LRRTM4: variants seen among roughly 807,000 people sequenced by gnomAD.
The protein encoded by LRRTM4 is leucine rich repeat transmembrane neuronal 4, also known as leucine-rich repeat transmembrane neuronal protein 4.
Under a neutral mutation model 47.6 loss-of-function variants are expected in LRRTM4, and 25 were observed. The ratio of observed to expected loss-of-function variants is 0.53; its 90% CI spans 0.38 to 0.73. LRRTM4 has a LOEUF of 0.73. Among genes scored for constraint, LRRTM4 ranks in the 30% least tolerant of loss-of-function variants. LRRTM4 has a pLI of 0.00. For missense variants in LRRTM4, 638 were observed against 713.4 expected (o/e 0.89, Z 1.20); for synonymous variants, 311 against 269.5 (o/e 1.15, Z -1.51).
intron 3 of LRRTM4, among the ~76,000 whole-genome samples, chr2:77,391,645 T>C (rs764894955): frequency 1.3e-5 from 2 of 151,986 alleles, no homozygotes; most frequent in Non-Finnish European, 2.9e-5. Context: ...ATAGCCAAGA[T>C]ATGGAATCAA....
At chr2:76,925,497 T>C (rs1045766946) in intron 3 of LRRTM4, among the ~76,000 whole-genome samples, 2 of 152,138 alleles carry the variant, frequency 1.3e-5, no homozygotes, top group African/African-American at 4.8e-5. Context: ...AAATGAGTGT[T>C]GATGTAGCCC....
intron 3 of LRRTM4, among the ~76,000 whole-genome samples, chr2:77,328,750 G>A (rs1440964481): frequency 6.6e-6 from 1 of 152,178 alleles, no homozygotes; most frequent in African/African-American, 2.4e-5. Flanking sequence ...CTCAGCAGGT[G>A]ATTTATTCCT....
chr2:76,776,969 C>A (rs1228775003), intron 3 of LRRTM4, among the ~76,000 whole-genome samples: 1 of 117,082 alleles, frequency 8.5e-6, no homozygotes, highest in African/African-American at 3.3e-5. Context: ...TTTCAGCTTT[C>A]TACATATGGC....
intron 3 of LRRTM4, among the ~76,000 whole-genome samples, chr2:76,957,652 G>C (rs1675717188): frequency 6.6e-6 from 1 of 151,472 alleles, no homozygotes; most frequent in South Asian, 2.1e-4. Context: ...TCTTATGATA[G>C]TGCCAAATGG....
intron 3 of LRRTM4, among the ~76,000 whole-genome samples, chr2:76,864,597 T>G (rs1236416966): frequency 6.6e-6 from 1 of 151,374 alleles, no homozygotes; most frequent in Non-Finnish European, 1.5e-5. Context: ...GTGGCGGAGG[T>G]TGCAGTGAGC....
At chr2:77,393,032 A>G (rs1673563490) in intron 3 of LRRTM4, among the ~76,000 whole-genome samples, 1 of 152,008 alleles carries the variant, frequency 6.6e-6, no homozygotes, top group Admixed American at 6.6e-5. Flanking sequence ...CCACCAATAA[A>G]TAATCAAAGG....
At chr2:76,751,977 C>G (rs1672865349) in intron 3 of LRRTM4, among the ~76,000 whole-genome samples, 1 of 152,128 alleles carries the variant, frequency 6.6e-6, no homozygotes, top group South Asian at 2.1e-4. Flanking sequence ...AACATTTATT[C>G]TACACTTTAA....
chr2:77,365,539 G>A (rs1672408766), intron 3 of LRRTM4, among the ~76,000 whole-genome samples: 1 of 151,742 alleles, frequency 6.6e-6, no homozygotes, highest in South Asian at 2.1e-4. Context: ...ACGTATGTAG[G>A]AGAGAAGAGA....
At chr2:76,930,767 A>C (rs10194816) in intron 3 of LRRTM4, among the ~76,000 whole-genome samples, 27,207 of 152,062 alleles carry the variant, frequency 0.18, 2,761 homozygotes, top group African/African-American at 0.26. Flanking sequence ...TTAACCTCCT[A>C]ATCTGTAAAA....
At chr2:76,845,263 G>A (rs558920669) in intron 3 of LRRTM4, among the ~76,000 whole-genome samples, 13 of 152,144 alleles carry the variant, frequency 8.5e-5, no homozygotes, top group Non-Finnish European at 1.5e-4. Context: ...GGCTGAGGTA[G>A]GAGGATCACT....
chr2:77,050,009 C>G (rs559073766), intron 3 of LRRTM4, among the ~76,000 whole-genome samples: 4 of 151,936 alleles, frequency 2.6e-5, no homozygotes, highest in African/African-American at 9.7e-5. Flanking sequence ...CCTTTTTCTG[C>G]AACAAAGAAT....
chr2:77,416,975 A>G (rs1674657448), intron 3 of LRRTM4, among the ~76,000 whole-genome samples: 1 of 152,180 alleles, frequency 6.6e-6, no homozygotes. Flanking sequence ...AATGGGGGAA[A>G]ATTTTTGCAT....
chr2:76,904,716 C>T (rs553501815), intron 3 of LRRTM4, among the ~76,000 whole-genome samples: 1 of 152,202 alleles, frequency 6.6e-6, no homozygotes, highest in South Asian at 2.1e-4. Flanking sequence ...CACTCAAACT[C>T]CATACACCAC....
At chr2:76,916,188 G>A (rs1468144897) in intron 3 of LRRTM4, among the ~76,000 whole-genome samples, 2 of 151,802 alleles carry the variant, frequency 1.3e-5, no homozygotes, top group Non-Finnish European at 2.9e-5. Flanking sequence ...CAAAGTAGTA[G>A]TAGAATAACA....
At chr2:77,346,163 T>C (rs1671554045) in intron 3 of LRRTM4, among the ~76,000 whole-genome samples, 1 of 152,046 alleles carries the variant, frequency 6.6e-6, no homozygotes, top group African/African-American at 2.4e-5. Flanking sequence ...TGGTAAAATA[T>C]AGGAACAAAG....
intron 3 of LRRTM4, among the ~76,000 whole-genome samples, chr2:77,094,026 G>A (rs538077748): frequency 1.0e-4 from 15 of 150,582 alleles, no homozygotes; most frequent in South Asian, 2.1e-4. Flanking sequence ...GACTCTTTTC[G>A]GATTGTTTCT....
intron 3 of LRRTM4, among the ~76,000 whole-genome samples, chr2:77,270,518 T>A (rs1676163562): frequency 6.6e-6 from 1 of 152,198 alleles, no homozygotes; most frequent in Admixed American, 6.5e-5. Flanking sequence ...TACTAGGGTA[T>A]TTTCTAGGAG....
intron 3 of LRRTM4, among the ~76,000 whole-genome samples, chr2:76,910,009 G>A (rs1036662394): frequency 3.3e-5 from 5 of 152,206 alleles, no homozygotes; most frequent in Admixed American, 2.6e-4. Flanking sequence ...TATACCCAAA[G>A]GATTGTAAAT....
chr2:77,435,070 T>C (rs1032577089), intron 3 of LRRTM4, among the ~76,000 whole-genome samples: 1 of 151,956 alleles, frequency 6.6e-6, no homozygotes, highest in African/African-American at 2.4e-5. Context: ...ATGCCTAGCC[T>C]CCCTCTGCCC....
Sources: allele counts gnomAD v4.1 joint callset (sites outside exome capture counted in the v4.1 genomes callset), GRCh38; gene constraint gnomAD v4.1.1; transcripts MANE v1.5; gene names NCBI Gene and HGNC (gene_info 2026-07-23, HGNC 2026-07-21).